Variants in RAD51C observed in about 807,000 individuals in gnomAD.
RAD51C encodes the protein RAD51 paralog C.
RAD51C carries 42 observed loss-of-function variants against 45.0 expected under a neutral mutation model. The ratio of observed to expected loss-of-function variants is 0.93; its 90% CI spans 0.73 to 1.21. RAD51C has a LOEUF of 1.21. Ranked by LOEUF, RAD51C falls within the 50% of genes most tolerant of loss-of-function variation. RAD51C has a pLI of 0.00. For synonymous variants in RAD51C, 172 were observed against 159.8 expected, an observed-to-expected ratio of 1.08 and a Z score of -0.58; for missense variants, 474 against 452.2, an observed-to-expected ratio of 1.05 and a Z score of -0.44.
chr17:58,717,023 C>T (rs574715151), intron 5 of RAD51C, among the ~76,000 whole-genome samples: 7 of 152,056 alleles, frequency 4.6e-5, no homozygotes, highest in South Asian at 2.1e-4. Context: ...AGGATGGTCT[C>T]GCTCTGACCT....
chr17:58,724,202 T>A, intron 7 of RAD51C, 102 bp downstream of exon 7: 2 of 1,156,046 alleles, frequency 1.7e-6, no homozygotes, highest in African/African-American at 3.1e-5. Context: ...AGATATACAG[T>A]GACCCATGAA....
rs572400255 is a variant in RAD51C at position 58,725,744 on chromosome 17, C to T, written c.965+1644C>T. 1.7e-3 allele frequency among the ~76,000 whole-genome samples: 258 copies of T among 152,240 alleles called. 1 individual carries two copies. Among genetic ancestry groups the T allele is most frequent in the African/African-American group, 6.0e-3 (248 of 41,536 alleles). On this transcript the variant is annotated intron_variant, in intron 7 of 8. Coordinates refer to ENST00000337432, the MANE Select transcript of RAD51C (RefSeq NM_058216.3). ...ATGCAGTGGCTCACACCTGTAATCTCATCACTTTGGGAGGCTGAGGTAGGT... is the reference window on the plus strand; with the variant it reads ...ATGCAGTGGCTCACACCTGTAATCTTATCACTTTGGGAGGCTGAGGTAGGT...
At chr17:58,723,942 A>T in intron 6 of RAD51C, 98 bp from the exon 7 acceptor site, 1 of 1,116,620 alleles carries the variant, frequency 9.0e-7, no homozygotes, top group Non-Finnish European at 1.3e-6. Flanking sequence ...CGTTATGTTA[A>T]ATTAATAAAG....
At chr17:58,693,921 C>G (rs2047897130) in intron 1 of RAD51C, 1 of 152,102 alleles carries the variant, frequency 6.6e-6, no homozygotes, top group Non-Finnish European at 1.5e-5. Flanking sequence ...TTTATTAGCC[C>G]CATATTTATG....
chr17:58,718,607 A>G (rs1266580563), intron 5 of RAD51C, among the ~76,000 whole-genome samples: 2 of 152,190 alleles, frequency 1.3e-5, no homozygotes, highest in Admixed American at 6.6e-5. Flanking sequence ...AGAATTAGCA[A>G]TATGAAACCT....
chr17:58,710,331 A>C (rs939633660), intron 5 of RAD51C, among the ~76,000 whole-genome samples: 9 of 150,466 alleles, frequency 6.0e-5, no homozygotes, highest in Non-Finnish European at 1.0e-4. Flanking sequence ...AAAAAAAAAA[A>C]AAAAAAAAAA....
At chr17:58,709,578 T>C (rs2048483434) in intron 4 of RAD51C, 2 of 264,134 alleles carry the variant, frequency 7.6e-6, no homozygotes, top group Non-Finnish European at 1.5e-5. Context: ...TGTTTTTTTC[T>C]ATCTAGTAAG....
At chr17:58,727,936 TA>T (rs768880216) in intron 7 of RAD51C, among the ~76,000 whole-genome samples, 2,713 of 136,574 alleles carry the variant, frequency 0.02, 32 homozygotes, top group African/African-American at 0.046. Context: ...TCTAAGATAT[TA>T]AAAAAAAAAA....
chr17:58,734,284 G>T lies in RAD51C; in HGVS notation c.*62G>T. ...TGTTGTGAAATCAATGTGTACAAGT[G>T]GACTTGTTACCTTAAAGTATAAATA... On this transcript the variant is annotated 3_prime_UTR_variant, in exon 9 of 9. Coordinates refer to ENST00000337432, the MANE Select transcript of RAD51C (RefSeq NM_058216.3). The T allele has an allele frequency of 6.4e-7, 1 of 1,568,272 alleles. No individual in the cohort carries two copies. The highest frequency in any genetic ancestry group is 1.2e-5 in the South Asian group (1 of 86,524).
In RAD51C at chr17:58,720,425, AAT is replaced by A. The variant is rs1491011975; in HGVS notation, c.838-319_838-318del. On this transcript the variant is annotated intron_variant, in intron 5 of 8. Coordinates refer to ENST00000337432, the MANE Select transcript of RAD51C (RefSeq NM_058216.3). ...AGCGAGACTCTGTCTCAAAAAAAAA[AAT>A]AAAATAAAAAATAAAATCACAAGAC... Among the ~76,000 whole-genome samples the A allele has an allele frequency of 3.7e-3, 543 of 147,644 alleles. 5 individuals are homozygous for A. Among genetic ancestry groups the A allele is most frequent in the African/African-American group, 0.012 (507 of 41,074 alleles).
intron 2 of RAD51C, 127 bp downstream of exon 2, chr17:58,695,316 T>G: frequency 2.1e-6 from 3 of 1,420,496 alleles, no homozygotes; most frequent in Non-Finnish European, 2.8e-6. Flanking sequence ...GTATGTGCAT[T>G]AAACAAAAAT....
At chr17:58,695,827 G>A (rs1409439297) in intron 2 of RAD51C, among the ~76,000 whole-genome samples, 1 of 152,076 alleles carries the variant, frequency 6.6e-6, no homozygotes, top group African/African-American at 2.4e-5. Flanking sequence ...AGCACTTTGG[G>A]AGGCTGAGGC....
At position 58,710,049 on chromosome 17, in the gene RAD51C, A is replaced by G. The variant is rs2048504844; in HGVS notation, c.837+59A>G. On this transcript the variant is annotated intron_variant, in intron 5 of 8. Coordinates refer to ENST00000337432, the MANE Select transcript of RAD51C (RefSeq NM_058216.3). The stretch of plus-strand genomic sequence containing the variant: ...AAAGTCAAGACTGTATAAAATGTTA[A>G]TGTCTAGAAATGTCAAAATAGCGTT... 3 of 1,521,752 alleles carry G rather than the reference A, an allele frequency of 2.0e-6. No individual in the cohort carries two copies. In the South Asian group the frequency reaches 3.4e-5, roughly 17 times the overall value. The allele number at this position is 1,521,752 out of a possible 1,614,324, so 94.3% of individuals were successfully genotyped here.
rs78949237 is a variant in RAD51C, at chr17:58,707,648, T to C, written c.706-2211T>C. 1.9e-3 allele frequency among the ~76,000 whole-genome samples: 289 copies of C among 152,324 alleles called. 1 individual carries two copies. The highest frequency in any genetic ancestry group is 6.6e-3 in the African/African-American group (274 of 41,568). On this transcript the variant is annotated intron_variant, in intron 4 of 8. Transcript: ENST00000337432. ...ACTTCCACATTTTAGGTATTTGTTA[T>C]AGTAGTACCTTGCTTCTCTCACTAC...
intron 3 of RAD51C, 148 bp from the exon 4 acceptor site, chr17:58,703,048 A>G (rs2048263017): frequency 2.4e-6 from 2 of 817,948 alleles, no homozygotes; most frequent in Non-Finnish European, 3.9e-6. Context: ...TGAACTGTTT[A>G]TAGTAATTTT....
chr17:58,704,504 G>C (rs2048316770), intron 4 of RAD51C, among the ~76,000 whole-genome samples: 1 of 151,282 alleles, frequency 6.6e-6, no homozygotes, highest in East Asian at 1.9e-4. Flanking sequence ...CTGCTCACCT[G>C]GCTGGCCTGC....
At chr17:58,696,439 T>TAAATA (rs28743181) in intron 2 of RAD51C, among the ~76,000 whole-genome samples, 160 of 152,200 alleles carry the variant, frequency 1.1e-3, no homozygotes, top group African/African-American at 3.2e-3. Flanking sequence ...TCTCAAAACA[T>TAAATA]AAATAAAATA....
intron 7 of RAD51C, among the ~76,000 whole-genome samples, chr17:58,725,090 G>T (rs754030905): frequency 1.5e-4 from 23 of 152,092 alleles, no homozygotes; most frequent in Non-Finnish European, 2.8e-4. Flanking sequence ...TTTAAAAATG[G>T]TATTTGCAAA....
intron 7 of RAD51C, among the ~76,000 whole-genome samples, chr17:58,729,471 T>C (rs550948405): frequency 1.3e-5 from 2 of 152,136 alleles, no homozygotes; most frequent in African/African-American, 2.4e-5. Flanking sequence ...CACCTCGGCC[T>C]CCCAAAGGGC....
Sources: gnomAD v4.1 joint callset for allele counts (sites outside exome capture counted in the v4.1 genomes callset) on GRCh38, gnomAD v4.1.1 for gene constraint, MANE v1.5 for transcripts, NCBI Gene and HGNC (gene_info 2026-07-23, HGNC 2026-07-21) for gene names.